CKM: variants seen among roughly 807,000 people sequenced by gnomAD.
CKM encodes creatine kinase, M-type.
A neutral mutation model predicts 35.4 loss-of-function variants in CKM; 28 were observed. The ratio of observed to expected loss-of-function variants is 0.79; its 90% CI spans 0.59 to 1.08. The LOEUF (loss-of-function observed/expected upper bound fraction) is 1.08, where lower values mean the gene tolerates loss of function less well. Ranked by LOEUF, CKM falls within the 50% of genes least tolerant of loss-of-function variation. The pLI, the probability that CKM is intolerant of heterozygous loss-of-function variation, is 0.00. For missense variants in CKM, 484 were observed against 509.8 expected, an observed-to-expected ratio of 0.95 and a Z score of 0.49; for synonymous variants, 215 against 204.4, an observed-to-expected ratio of 1.05 and a Z score of -0.44.
In CKM at chr19:45,307,604, T is replaced by C. The variant is rs200633759; in HGVS notation, c.824A>G (p.Gln275Arg). Residue 275 changes from glutamine (Q) to arginine (R), a missense_variant, in exon 7 of 8, where the codon CAG becomes CGG. Gln to Arg is a conservative substitution (Grantham distance 43, BLOSUM62 1). Transcript: ENST00000221476. Reference sequence around the variant, plus strand: ...GCAGGTGAGCACGTAGCCCAGGTGCTGGTTCCACATGAAGGGGTGGCCAGC... The same window carrying C: ...GCAGGTGAGCACGTAGCCCAGGTGCCGGTTCCACATGAAGGGGTGGCCAGC... ...KKAGHPFMWN[Q>R]HLGYVLTCPS... 6 of 1,614,180 alleles carry C rather than the reference T, an allele frequency of 3.7e-6. No individual in the cohort carries two copies. The highest frequency in any genetic ancestry group is 5.1e-6 in the Non-Finnish European group (6 of 1,180,034).
At chr19:45,310,116 CT>C (rs56240150) in intron 5 of CKM, among the ~76,000 whole-genome samples, 71 of 93,938 alleles carry the variant, frequency 7.6e-4, no homozygotes, top group South Asian at 4.0e-3. Context: ...CCAGGCACTG[CT>C]TTTTTTTTTT....
In CKM at chr19:45,317,693, C is replaced by G. The variant is rs1183700519; in HGVS notation, c.348+132G>C. The G allele has an allele frequency of 2.9e-6, 3 of 1,049,706 alleles. No homozygotes were observed. In the African/African-American group the frequency reaches 4.7e-5, roughly 17 times the overall value. 65.0% of individuals were successfully genotyped at this position (1,049,706 alleles called of 1,614,324 possible). A position where few individuals can be genotyped will look rare whatever the true frequency, so the allele number is the denominator to read the frequency against. ...CGCCTCAGCCTCCCAATGTCCCTCT[C>G]TCTTTCCATCTCTCTGCTTCTCCAC... is the stretch of plus-strand genomic sequence containing the variant. On this transcript the variant is annotated intron_variant, in intron 3 of 7. Coordinates refer to ENST00000221476, the MANE Select transcript of CKM (RefSeq NM_001824.5).
At chr19:45,310,759 CTTTTTTTTTTTTTTT>C (rs3047558) in intron 5 of CKM, among the ~76,000 whole-genome samples, 10 of 50,282 alleles carry the variant, frequency 2.0e-4, no homozygotes, top group South Asian at 8.4e-4. Context: ...TCACGCCTGG[CTTTTTTTTTTTTTTT>C]TTTTTTTTTT....
chr19:45,308,038 A>G (rs1170378370), intron 6 of CKM, among the ~76,000 whole-genome samples: 1 of 151,770 alleles, frequency 6.6e-6, no homozygotes, highest in Non-Finnish European at 1.5e-5. Context: ...TAATTTATTT[A>G]TTTATTAATT....
chr19:45,322,218 C>T (rs941147631), intron 1 of CKM, among the ~76,000 whole-genome samples: 8 of 151,942 alleles, frequency 5.3e-5, no homozygotes, highest in African/African-American at 1.9e-4. Context: ...GTGGTGACCC[C>T]CCCCACAAGA....
intron 4 of CKM, among the ~76,000 whole-genome samples, chr19:45,312,630 G>A (rs1329530932): frequency 2.0e-5 from 3 of 151,196 alleles, no homozygotes; most frequent in Non-Finnish European, 4.4e-5. Context: ...CCACTTGGGC[G>A]CCTGGCCCAA....
intron 5 of CKM, 28 bp downstream of exon 5, chr19:45,311,721 G>A (rs1367505259): frequency 1.9e-6 from 3 of 1,543,376 alleles, no homozygotes; most frequent in Admixed American, 1.9e-5. Flanking sequence ...GGGGGAAGAG[G>A]AAGCCAGGGG....
intron 6 of CKM, 85 bp downstream of exon 6, chr19:45,308,324 G>C (rs747639582): frequency 1.9e-5 from 30 of 1,542,988 alleles, no homozygotes; most frequent in Non-Finnish European, 2.7e-5. Flanking sequence ...GCAGGGCTTA[G>C]TATAGGGGAA....
At position 45,306,714 on chromosome 19, in the gene CKM, C is replaced by T. The variant is rs775747356; in HGVS notation, c.*36G>A. The T allele has an allele frequency of 6.2e-7, 1 of 1,612,440 alleles. No homozygotes were observed. The highest frequency in any genetic ancestry group is 2.2e-5 in the East Asian group (1 of 44,878). ...CTGGTGGGCCAGGCCCTCCCACTGG[C>T]TGGGTTCCAGCAGTCGGTGGCAGGT... On this transcript the variant is annotated 3_prime_UTR_variant, in exon 8 of 8. Transcript: ENST00000221476. The surrounding 1 kb of genome is among the most constrained non-coding windows in gnomAD (Gnocchi z 4.5).
intron 4 of CKM, 90 bp downstream of exon 4, chr19:45,315,375 C>G (rs888147762): frequency 6.9e-7 from 1 of 1,442,956 alleles, no homozygotes; most frequent in Admixed American, 1.9e-5. Flanking sequence ...CTTTGAAAAG[C>G]GGGGGCCCAA....
chr19:45,321,063 A>ATTTTTTTTTTTTTT (rs35089528), intron 1 of CKM, among the ~76,000 whole-genome samples: 2,973 of 142,124 alleles, frequency 0.021, 36 homozygotes, highest in Non-Finnish European at 0.027. Flanking sequence ...ACACCTGGCT[A>ATTTTTTTTTTTTTT]TTTTTTTTTT....
At chr19:45,310,884 C>T (rs1004367292) in intron 5 of CKM, among the ~76,000 whole-genome samples, 1 of 147,824 alleles carries the variant, frequency 6.8e-6, no homozygotes, top group Non-Finnish European at 1.5e-5. Flanking sequence ...CATTCTCCTG[C>T]CTCAGCCTCC....
In CKM at chr19:45,314,804, C is replaced by T. The variant is rs534055786; in HGVS notation, c.481+661G>A. On this transcript the variant is annotated intron_variant, in intron 4 of 7. Coordinates refer to ENST00000221476, the MANE Select transcript of CKM (RefSeq NM_001824.5). The stretch of plus-strand genomic sequence containing the variant: ...ACGATTCACTGCAGCCTCAACCTCC[C>T]GGGCTCAAGTGATCCTCCCACCTCA... Among the ~76,000 whole-genome samples the T allele has an allele frequency of 2.8e-4, 42 of 152,136 alleles. No individual in the cohort carries two copies. The South Asian group carries it at 3.9e-3, about 14-fold the overall frequency.
Position 45,319,729 on chromosome 19 carries a change from G to C in CKM, c.-16C>G. On this transcript the variant is annotated splice_region_variant and 5_prime_UTR_variant, in exon 2 of 8. Transcript: ENST00000221476. ...CGAATGGCATGGTGGCGGTGTAGGA[G>C]ACCTGATGGGCAGGGCAGGAGGGGA... The C allele has an allele frequency of 6.2e-7, 1 of 1,613,116 alleles. No homozygotes were observed. The highest frequency in any genetic ancestry group is 8.5e-7 in the Non-Finnish European group (1 of 1,179,190).
chr19:45,317,741 C>A, intron 3 of CKM, 84 bp downstream of exon 3: 1 of 1,435,894 alleles, frequency 7.0e-7, no homozygotes, highest in Non-Finnish European at 9.8e-7. Context: ...CTCTCTGTCT[C>A]TGTATTTCTC....
chr19:45,318,544 G>T (rs929202585), intron 2 of CKM, among the ~76,000 whole-genome samples: 1 of 152,064 alleles, frequency 6.6e-6, no homozygotes, highest in African/African-American at 2.4e-5. Context: ...AAGGAGAAAG[G>T]GGAGCTTCAG....
In CKM at chr19:45,317,762, C is replaced by G. The variant is rs758181118; in HGVS notation, c.348+63G>C. On this transcript the variant is annotated intron_variant, in intron 3 of 7. Transcript: ENST00000221476. Reference sequence around the variant, plus strand: ...GTCTCTGTATTTCTCTGTCTCCCCCCATTTCTCCTGTGATCTCTCTCCTCC... The same window carrying G: ...GTCTCTGTATTTCTCTGTCTCCCCCGATTTCTCCTGTGATCTCTCTCCTCC... 358 of 1,549,474 alleles carry G rather than the reference C, an allele frequency of 2.3e-4. 1 individual carries two copies. The highest frequency in any genetic ancestry group is 2.9e-4 in the Non-Finnish European group (328 of 1,122,264).
intron 4 of CKM, among the ~76,000 whole-genome samples, chr19:45,312,717 G>A (rs182922263): frequency 6.6e-6 from 1 of 152,150 alleles, no homozygotes; most frequent in Admixed American, 6.5e-5. Context: ...ACTTTGGGAG[G>A]CCAAGGCAGG....
chr19:45,310,761 T>C (rs960380668), intron 5 of CKM, among the ~76,000 whole-genome samples: 2 of 37,604 alleles, frequency 5.3e-5, no homozygotes, highest in African/African-American at 2.4e-4. Flanking sequence ...ACGCCTGGCT[T>C]TTTTTTTTTT....
Sources: allele counts gnomAD v4.1 joint callset (sites outside exome capture counted in the v4.1 genomes callset), GRCh38; gene constraint gnomAD v4.1.1; non-coding constraint Gnocchi (gnomAD v3.1); transcripts MANE v1.5; gene names NCBI Gene and HGNC (gene_info 2026-07-23, HGNC 2026-07-21).